Variants in TENM2 observed in about 807,000 individuals in gnomAD.
The protein encoded by TENM2 is teneurin transmembrane protein 2.
In TENM2, 52 loss-of-function variants were observed where a neutral mutation model predicts 245.2. The observed-to-expected ratio is 0.21, with a 90% CI of 0.17 to 0.27. The LOEUF (loss-of-function observed/expected upper bound fraction) is 0.27, where lower values mean the gene tolerates loss of function less well. Among genes scored for constraint, TENM2 ranks in the 10% least tolerant of loss-of-function variants. TENM2 has a pLI of 1.00. For synonymous variants in TENM2, 1,363 were observed against 1,438.9 expected (o/e 0.95, Z 1.19); for missense variants, 3,046 against 3,666.8 (o/e 0.83, Z 4.37).
At chr5:167,195,101 G>A in the TENM2 span, among the ~76,000 whole-genome samples, 2 of 152,028 alleles carry the variant, frequency 1.3e-5, no homozygotes, top group Non-Finnish European at 2.9e-5. Flanking sequence ...CTGGTAGGAT[G>A]TGTGGAAGAA....
At chr5:167,276,274 G>C in the TENM2 span, among the ~76,000 whole-genome samples, 1 of 151,716 alleles carries the variant, frequency 6.6e-6, no homozygotes, top group Non-Finnish European at 1.5e-5. Flanking sequence ...TCCTGGAAGA[G>C]ATGTTGTAGA....
chr5:167,586,160 A>C (rs1775479822), intron 2 of TENM2, among the ~76,000 whole-genome samples: 1 of 91,274 alleles, frequency 1.1e-5, no homozygotes, highest in Non-Finnish European at 2.4e-5. Context: ...GATAATAAAA[A>C]TAATACAAAT....
chr5:167,403,724 T>A (rs1762484697), intron 2 of TENM2, among the ~76,000 whole-genome samples: 1 of 152,120 alleles, frequency 6.6e-6, no homozygotes, highest in Non-Finnish European at 1.5e-5. Context: ...ATCAAAAGGA[T>A]AATGATTTTT....
intron 3 of TENM2, among the ~76,000 whole-genome samples, chr5:167,949,160 T>C (rs1779878795): frequency 6.6e-6 from 1 of 152,150 alleles, no homozygotes; most frequent in Admixed American, 6.5e-5. Flanking sequence ...GTAACATAAA[T>C]ACATACAGCC....
chr5:167,257,035 A>G, the TENM2 span, among the ~76,000 whole-genome samples: 4 of 152,132 alleles, frequency 2.6e-5, no homozygotes, highest in Admixed American at 6.6e-5. Flanking sequence ...TTTTTCTTCA[A>G]TACTCTAGGA....
At chr5:167,507,001 G>A (rs2127563717) in intron 2 of TENM2, among the ~76,000 whole-genome samples, 1 of 152,214 alleles carries the variant, frequency 6.6e-6, no homozygotes, top group Admixed American at 6.5e-5. Context: ...AATGTAAAAT[G>A]TCAGTTAATT....
In TENM2 at chr5:167,593,781, C is replaced by T. The variant is rs868018867; in HGVS notation, c.502+218308C>T. 4.6e-5 allele frequency among the ~76,000 whole-genome samples: 7 copies of T among 152,334 alleles called. No individual in the cohort carries two copies. The South Asian group carries it at 1.5e-3, about 32-fold the overall frequency. On this transcript the variant is annotated intron_variant, in intron 2 of 28. Coordinates refer to ENST00000518659, the Ensembl canonical transcript of TENM2. ...TCTCTCTGGTTACAAGCACTTCTTC[C>T]TGGTGTCGGAGATAAACCACCATTG...
At chr5:167,741,112 CCTT>C (rs1761148200) in intron 2 of TENM2, among the ~76,000 whole-genome samples, 1 of 152,198 alleles carries the variant, frequency 6.6e-6, no homozygotes, top group Non-Finnish European at 1.5e-5. Context: ...GAAGTTACCT[CCTT>C]GAAAAAGCCT....
intron 2 of TENM2, among the ~76,000 whole-genome samples, chr5:167,682,096 C>A (rs1011358479): frequency 1.3e-5 from 1 of 77,736 alleles, no homozygotes; most frequent in Non-Finnish European, 2.5e-5. Context: ...CTTCCTCCAT[C>A]CCTCCCTCCC....
intron 2 of TENM2, among the ~76,000 whole-genome samples, chr5:167,677,054 T>C (rs1756378590): frequency 6.6e-6 from 1 of 152,164 alleles, no homozygotes; most frequent in South Asian, 2.1e-4. Context: ...CCATGCAGAC[T>C]ATTCCATCTG....
chr5:168,263,910 G>A (rs1426568323), downstream of TENM2: 3 of 152,156 alleles, frequency 2.0e-5, no homozygotes, highest in African/African-American at 2.4e-5. Flanking sequence ...CAGTCACCAC[G>A]AGGAGAGAAA....
At chr5:168,043,217 T>C (rs1788346502) in intron 5 of TENM2, among the ~76,000 whole-genome samples, 2 of 152,076 alleles carry the variant, frequency 1.3e-5, no homozygotes, top group Admixed American at 6.6e-5. Flanking sequence ...TAACTCTGGC[T>C]ACTCTGAGGT....
At chr5:167,416,299 G>C (rs1763163814) in intron 2 of TENM2, among the ~76,000 whole-genome samples, 1 of 152,110 alleles carries the variant, frequency 6.6e-6, no homozygotes, top group South Asian at 2.1e-4. Context: ...GTTACTTTGG[G>C]TAAGATAAAA....
intron 2 of TENM2, among the ~76,000 whole-genome samples, chr5:167,834,562 TGAAA>T (rs990033516): frequency 4.6e-5 from 7 of 151,846 alleles, no homozygotes; most frequent in South Asian, 2.1e-4. Flanking sequence ...ATTGTTTCCA[TGAAA>T]GAAAGAAAGA....
At chr5:167,123,863 C>A in the TENM2 span, among the ~76,000 whole-genome samples, 1 of 152,130 alleles carries the variant, frequency 6.6e-6, no homozygotes, top group African/African-American at 2.4e-5. Flanking sequence ...GCAAGTTATA[C>A]CACCTTGCAG....
intron 2 of TENM2, among the ~76,000 whole-genome samples, chr5:167,739,169 G>A: frequency 6.6e-6 from 1 of 152,190 alleles, no homozygotes; most frequent in Non-Finnish European, 1.5e-5. Context: ...GCAGTCTGCA[G>A]GCCAGGAATG....
At chr5:167,783,360 G>A (rs1378770908) in intron 2 of TENM2, among the ~76,000 whole-genome samples, 1 of 152,032 alleles carries the variant, frequency 6.6e-6, no homozygotes, top group Non-Finnish European at 1.5e-5. Flanking sequence ...AGCCGTGTTT[G>A]TGGATGATCA....
intron 2 of TENM2, among the ~76,000 whole-genome samples, chr5:167,622,662 G>A (rs1389446526): frequency 6.6e-6 from 1 of 152,062 alleles, no homozygotes; most frequent in African/African-American, 2.4e-5. Flanking sequence ...TTGTGTTTTT[G>A]AAAATCCATC....
At chr5:167,762,483 T>G (rs1325244604) in intron 2 of TENM2, among the ~76,000 whole-genome samples, 1 of 152,212 alleles carries the variant, frequency 6.6e-6, no homozygotes, top group Non-Finnish European at 1.5e-5. Flanking sequence ...CTATTTCTCT[T>G]GCCCATGTGA....
Sources: gnomAD v4.1 joint callset for allele counts (sites outside exome capture counted in the v4.1 genomes callset) on GRCh38, gnomAD v4.1.1 for gene constraint, MANE v1.5 for transcripts, NCBI Gene and HGNC (gene_info 2026-07-23, HGNC 2026-07-21) for gene names.